SLC22A25: variants seen among roughly 807,000 people sequenced by gnomAD.
SLC22A25 encodes solute carrier family 22 member 25.
In SLC22A25, 44 loss-of-function variants were observed where a neutral mutation model predicts 45.9. The observed-to-expected ratio is 0.96, with a 90% CI of 0.75 to 1.23. The LOEUF (loss-of-function observed/expected upper bound fraction) is 1.23. Among genes scored for constraint, SLC22A25 ranks in the 50% most tolerant of loss-of-function variants. The pLI, the probability that SLC22A25 is intolerant of heterozygous loss-of-function variation, is 0.00. For missense variants in SLC22A25, 800 were observed against 666.4 expected (o/e 1.20, Z -2.21); for synonymous variants, 283 against 238.6 (o/e 1.19, Z -1.72).
intron 3 of SLC22A25, among the ~76,000 whole-genome samples, chr11:63,231,633 C>T (rs2090071159): frequency 6.6e-6 from 1 of 152,174 alleles, no homozygotes; most frequent in South Asian, 2.1e-4. Flanking sequence ...TTTTGCTGTG[C>T]ACAAGCTCTC....
chr11:63,167,936 G>T (rs2087740692), intron 9 of SLC22A25: 1 of 405,412 alleles, frequency 2.5e-6, no homozygotes, highest in Non-Finnish European at 4.9e-6. Context: ...CATCAGGCAG[G>T]TGCTCCTCTA....
In SLC22A25 at chr11:63,159,444, TA is replaced by T. The variant is rs2087518065; in HGVS notation, c.*4379del. On this transcript the variant is annotated 3_prime_UTR_variant, in exon 12 of 12. Transcript: ENST00000306494. ...AGTTTCATGAGATCTGAGGGTTTTA[TA>T]AGGGGGAGTTTCCCTGCAGAAATTC... Among the ~76,000 whole-genome samples, 1 of 152,154 alleles carries T rather than the reference TA, an allele frequency of 6.6e-6. No individual in the cohort carries two copies. The highest frequency in any genetic ancestry group is 6.5e-5 in the Admixed American group (1 of 15,276).
intron 7 of SLC22A25, among the ~76,000 whole-genome samples, chr11:63,185,520 CTTTT>C (rs1205638354): frequency 8.3e-6 from 1 of 120,996 alleles, no homozygotes; most frequent in Non-Finnish European, 1.7e-5. Context: ...GCCACATTTT[CTTTT>C]TTTATTTTTA....
rs184108941 is a variant in SLC22A25 at position 63,207,467 on chromosome 11, C to T, written c.830+9847G>A. ...AAAGTGGGTAAAGGATATGACCAGACACTTCTCAAAATAAGACATTTATGC... is the reference window on the plus strand; with the variant it reads ...AAAGTGGGTAAAGGATATGACCAGATACTTCTCAAAATAAGACATTTATGC... On this transcript the variant is annotated intron_variant, in intron 7 of 11. Coordinates refer to ENST00000306494, the MANE Select transcript of SLC22A25 (RefSeq NM_199352.6). 1.9e-3 allele frequency among the ~76,000 whole-genome samples: 287 copies of T among 152,240 alleles called. 3 individuals are homozygous for T. Among genetic ancestry groups the T allele is most frequent in the Non-Finnish European group, 5.7e-4 (39 of 68,016 alleles).
intron 7 of SLC22A25, among the ~76,000 whole-genome samples, chr11:63,195,085 A>G (rs1175246666): frequency 6.6e-6 from 1 of 152,074 alleles, no homozygotes; most frequent in Non-Finnish European, 1.5e-5. Context: ...CCAATACAAG[A>G]GCACCCAGAT....
At chr11:63,225,952 A>G (rs1262466489) in intron 5 of SLC22A25, among the ~76,000 whole-genome samples, 2 of 152,016 alleles carry the variant, frequency 1.3e-5, no homozygotes, top group African/African-American at 2.4e-5. Flanking sequence ...TGTCAATTGC[A>G]TTTCTTCAAC....
chr11:63,195,001 A>C (rs2088964905), intron 7 of SLC22A25, among the ~76,000 whole-genome samples: 2 of 151,390 alleles, frequency 1.3e-5, no homozygotes, highest in South Asian at 4.2e-4. Context: ...AAAAGAGACA[A>C]AGAAGGCCAT....
At chr11:63,200,095 A>C (rs763018725) in intron 7 of SLC22A25, among the ~76,000 whole-genome samples, 11 of 152,018 alleles carry the variant, frequency 7.2e-5, no homozygotes, top group Non-Finnish European at 1.3e-4. Context: ...AGCTGGTACT[A>C]TTCCTACCAA....
intron 3 of SLC22A25, among the ~76,000 whole-genome samples, chr11:63,237,222 G>C (rs1005082935): frequency 6.6e-6 from 1 of 152,120 alleles, no homozygotes; most frequent in Admixed American, 6.5e-5. Context: ...GGTATAGGTT[G>C]AAAAAACCCC....
At chr11:63,176,861 T>C (rs1036482839) in intron 9 of SLC22A25, among the ~76,000 whole-genome samples, 1 of 152,084 alleles carries the variant, frequency 6.6e-6, no homozygotes. Flanking sequence ...TATACTTTAA[T>C]ATGCTCTCGT....
At position 63,160,968 on chromosome 11, in the gene SLC22A25, A is replaced by C. The variant is rs1386090975; in HGVS notation, c.*2856T>G. On this transcript the variant is annotated 3_prime_UTR_variant, in exon 12 of 12. Transcript: ENST00000306494. Reference sequence around the variant, plus strand: ...AAATTAAAAGTAAAGCTAACATTTGACCCAACAGTTCCACTGCACCATTGT... The same window carrying C: ...AAATTAAAAGTAAAGCTAACATTTGCCCCAACAGTTCCACTGCACCATTGT... Among the ~76,000 whole-genome samples the C allele has an allele frequency of 6.6e-6, 1 of 152,268 alleles. No individual in the cohort carries two copies. The highest frequency in any genetic ancestry group is 1.9e-4 in the East Asian group (1 of 5,178).
intron 9 of SLC22A25, chr11:63,167,959 C>T (rs190136718): frequency 5.5e-5 from 22 of 399,940 alleles, no homozygotes; most frequent in African/African-American, 4.5e-4. Flanking sequence ...ATGAAGCTTC[C>T]AGAGGAAGGA....
At chr11:63,168,013 C>T in intron 9 of SLC22A25, 1 of 354,962 alleles carries the variant, frequency 2.8e-6, no homozygotes, top group Non-Finnish European at 5.7e-6. Context: ...GCTGGTGATA[C>T]CCAAGCAAAC....
intron 5 of SLC22A25, among the ~76,000 whole-genome samples, chr11:63,225,704 C>T (rs886806800): frequency 2.0e-5 from 3 of 152,122 alleles, no homozygotes; most frequent in Non-Finnish European, 2.9e-5. Flanking sequence ...CTTAATAGCT[C>T]TTTGAATAAA....
At chr11:63,212,804 TAA>T (rs200780459) in intron 7 of SLC22A25, among the ~76,000 whole-genome samples, 4 of 148,472 alleles carry the variant, frequency 2.7e-5, no homozygotes, top group Admixed American at 1.3e-4. Flanking sequence ...AAGTATAATT[TAA>T]AAAAAAAAAA....
intron 9 of SLC22A25, among the ~76,000 whole-genome samples, chr11:63,169,552 A>G (rs2087804128): frequency 6.6e-6 from 1 of 152,200 alleles, no homozygotes; most frequent in Admixed American, 6.5e-5. Flanking sequence ...GCCAACAGAA[A>G]TCAAAGAAGA....
At chr11:63,164,740 A>G in intron 10 of SLC22A25, 106 bp from the exon 11 acceptor site, 8 of 850,632 alleles carry the variant, frequency 9.4e-6, no homozygotes, top group Non-Finnish European at 1.5e-5. Flanking sequence ...TCCAGGGGTA[A>G]AATGTACTGT....
rs1338683593 is a variant in SLC22A25, at chr11:63,170,040, C to T, written c.1071-3782G>A. Among the ~76,000 whole-genome samples, 3 of 152,246 alleles carry T rather than the reference C, an allele frequency of 2.0e-5. No individual in the cohort carries two copies. In the East Asian group the frequency reaches 5.8e-4, roughly 29 times the overall value. Reference sequence around the variant, plus strand: ...TCAAAACCACTCAACTACGTGGAAACTGAACAACCTGCTCCTGAATGACTA... The same window carrying T: ...TCAAAACCACTCAACTACGTGGAAATTGAACAACCTGCTCCTGAATGACTA... On this transcript the variant is annotated intron_variant, in intron 9 of 11. Transcript: ENST00000306494.
At chr11:63,182,477 TA>T (rs1202615117) in intron 8 of SLC22A25, among the ~76,000 whole-genome samples, 12 of 58,846 alleles carry the variant, frequency 2.0e-4, no homozygotes, top group Admixed American at 1.8e-3. Flanking sequence ...AATTACACTA[TA>T]TATATATATA....
Sources: allele counts gnomAD v4.1 joint callset (sites outside exome capture counted in the v4.1 genomes callset), GRCh38; gene constraint gnomAD v4.1.1; transcripts MANE v1.5; gene names NCBI Gene and HGNC (gene_info 2026-07-23, HGNC 2026-07-21).